TNKS: variants seen among roughly 807,000 people sequenced by gnomAD.
The protein encoded by TNKS is poly [ADP-ribose] polymerase tankyrase-1.
In TNKS, 72 loss-of-function variants were observed where a neutral mutation model predicts 135.8. The observed-to-expected ratio is 0.53, with a 90% CI of 0.44 to 0.64. The LOEUF (loss-of-function observed/expected upper bound fraction) is 0.64. Among genes scored for constraint, TNKS ranks in the 30% least tolerant of loss-of-function variants. TNKS has a pLI of 0.00. For synonymous variants in TNKS, 849 were observed against 649.3 expected (o/e 1.31, Z -4.68); for missense variants, 1,769 against 1,674.0 (o/e 1.06, Z -0.99).
In TNKS at chr8:9,780,046, G is replaced by A. The variant is rs1367329219; in HGVS notation, c.*3310G>A. 1 of 152,114 alleles carries A rather than the reference G, an allele frequency of 6.6e-6. No homozygotes were observed. The highest frequency in any genetic ancestry group is 1.5e-5 in the Non-Finnish European group (1 of 68,034). 9.4% of individuals were successfully genotyped at this position (152,114 alleles called of 1,614,324 possible). A position where few individuals can be genotyped will look rare whatever the true frequency, so the allele number is the denominator to read the frequency against. Reference sequence around the variant, plus strand: ...TGCCTGAATATGGCAAGCAAATAATGTAGATTAACATTCTATTATTGTATC... The same window carrying A: ...TGCCTGAATATGGCAAGCAAATAATATAGATTAACATTCTATTATTGTATC... On this transcript the variant is annotated 3_prime_UTR_variant, in exon 27 of 27. Coordinates refer to ENST00000310430, the MANE Select transcript of TNKS (RefSeq NM_003747.3).
chr8:9,716,035 T>G (rs984191835), intron 11 of TNKS, among the ~76,000 whole-genome samples: 1 of 152,230 alleles, frequency 6.6e-6, no homozygotes, highest in African/African-American at 2.4e-5. Context: ...TCTTCATATA[T>G]AAAGCATAGC....
chr8:9,558,332 A>G (rs1797174462), intron 1 of TNKS: 1 of 152,188 alleles, frequency 6.6e-6, no homozygotes, highest in South Asian at 2.1e-4. Flanking sequence ...AGTGAATTGA[A>G]TCAGAAACAG....
intron 2 of TNKS, 120 bp downstream of exon 2, chr8:9,580,503 G>A: frequency 5.9e-6 from 5 of 840,592 alleles, no homozygotes; most frequent in South Asian, 1.9e-5. Context: ...TGTAGAAGCA[G>A]TTCTTTTCCA....
chr8:9,772,825 G>C (rs1009815303), intron 26 of TNKS, among the ~76,000 whole-genome samples: 148 of 62,756 alleles, frequency 2.4e-3, no homozygotes, highest in South Asian at 1.2e-3. Context: ...GTGTGTGTGT[G>C]TGTGTCTGTG....
intron 3 of TNKS, among the ~76,000 whole-genome samples, chr8:9,621,531 C>A (rs975415064): frequency 6.6e-6 from 1 of 152,132 alleles, no homozygotes; most frequent in Non-Finnish European, 1.5e-5. Context: ...GTCTCGAACT[C>A]CTGACCTCAG....
intron 5 of TNKS, among the ~76,000 whole-genome samples, chr8:9,687,469 G>A (rs1394180800): frequency 6.6e-6 from 1 of 152,092 alleles, no homozygotes; most frequent in Non-Finnish European, 1.5e-5. Context: ...GTACCAATGA[G>A]GACTTGAAAA....
intron 11 of TNKS, among the ~76,000 whole-genome samples, chr8:9,717,566 T>C (rs1804671849): frequency 6.6e-6 from 1 of 152,152 alleles, no homozygotes; most frequent in Non-Finnish European, 1.5e-5. Context: ...GAACAGTATG[T>C]CAAAAGTAGT....
At chr8:9,731,064 G>A (rs762881569) in intron 14 of TNKS, 29 bp downstream of exon 14, 8 of 1,535,696 alleles carry the variant, frequency 5.2e-6, no homozygotes, top group Non-Finnish European at 6.1e-6. Context: ...CTGTTTGGGA[G>A]TCATTCTCTT....
chr8:9,562,532 C>T (rs1488357201), intron 1 of TNKS, among the ~76,000 whole-genome samples: 2 of 152,124 alleles, frequency 1.3e-5, no homozygotes, highest in African/African-American at 4.8e-5. Flanking sequence ...TATTCATTCA[C>T]TTTCAATCAA....
intron 2 of TNKS, among the ~76,000 whole-genome samples, chr8:9,601,031 A>C (rs540243197): frequency 6.6e-6 from 1 of 152,220 alleles, no homozygotes; most frequent in Non-Finnish European, 1.5e-5. Flanking sequence ...AGCTTTTAAA[A>C]AGCATTGTTT....
intron 3 of TNKS, among the ~76,000 whole-genome samples, chr8:9,637,540 G>A (rs530199416): frequency 6.6e-6 from 1 of 152,108 alleles, no homozygotes; most frequent in East Asian, 1.9e-4. Context: ...ATGATAAATT[G>A]CTTATGATGG....
intron 2 of TNKS, among the ~76,000 whole-genome samples, chr8:9,594,332 A>G (rs185880056): frequency 1.7e-3 from 260 of 152,328 alleles, no homozygotes; most frequent in African/African-American, 5.8e-3. Flanking sequence ...TTTTTTGTCT[A>G]TTTAGACTTG....
chr8:9,711,403 T>C (rs1441256642), intron 11 of TNKS, among the ~76,000 whole-genome samples: 1 of 152,182 alleles, frequency 6.6e-6, no homozygotes, highest in African/African-American at 2.4e-5. Flanking sequence ...CATAGTGTAC[T>C]TTACTTGTGT....
intron 26 of TNKS, 94 bp downstream of exon 26, chr8:9,770,356 A>G (rs1174732694): frequency 7.8e-7 from 1 of 1,285,042 alleles, no homozygotes; most frequent in Non-Finnish European, 1.1e-6. Context: ...TCAGTGAAAT[A>G]TCCACCACAC....
At chr8:9,675,413 A>G (rs907575036) in intron 3 of TNKS, among the ~76,000 whole-genome samples, 3 of 152,196 alleles carry the variant, frequency 2.0e-5, no homozygotes, top group African/African-American at 7.2e-5. Context: ...GAGATTCTAG[A>G]CTGAAGTCTT....
At chr8:9,649,288 A>T (rs1340910275) in intron 3 of TNKS, among the ~76,000 whole-genome samples, 1 of 152,176 alleles carries the variant, frequency 6.6e-6, no homozygotes, top group Non-Finnish European at 1.5e-5. Context: ...CGTTTGTGCT[A>T]AGCAAATAAC....
chr8:9,599,510 C>G (rs1347287383), intron 2 of TNKS, among the ~76,000 whole-genome samples: 1 of 152,174 alleles, frequency 6.6e-6, no homozygotes, highest in Non-Finnish European at 1.5e-5. Context: ...TGAGGTTTAT[C>G]TGATTCCTGG....
At position 9,657,845 on chromosome 8, in the gene TNKS, G is replaced by T. The variant is rs564611418; in HGVS notation, c.995-22106G>T. On this transcript the variant is annotated intron_variant, in intron 3 of 26. Transcript: ENST00000310430. ...CGGAGAGGCTCCTCACTTCTCAGAC[G>T]GGGCAGCTGCCGGGCGGAGGGGCTC... Among the ~76,000 whole-genome samples, 32 of 148,512 alleles carry T rather than the reference G, an allele frequency of 2.2e-4. No individual in the cohort carries two copies. In the East Asian group the frequency reaches 6.2e-3, roughly 29 times the overall value.
At chr8:9,598,887 C>T (rs925681742) in intron 2 of TNKS, among the ~76,000 whole-genome samples, 1 of 144,124 alleles carries the variant, frequency 6.9e-6, no homozygotes, top group East Asian at 2.1e-4. Flanking sequence ...TCCGTGAGGC[C>T]TTGAGAGAGA....
Sources: gnomAD v4.1 joint callset for allele counts (sites outside exome capture counted in the v4.1 genomes callset) on GRCh38, gnomAD v4.1.1 for gene constraint, MANE v1.5 for transcripts, NCBI Gene and HGNC (gene_info 2026-07-23, HGNC 2026-07-21) for gene names.